Variants in MTREX observed in about 807,000 individuals in gnomAD.
The protein encoded by MTREX is Mtr4 exosome RNA helicase, also known as exosome RNA helicase MTR4.
In MTREX, 76 loss-of-function variants were observed where a neutral mutation model predicts 135.4. That is an observed-to-expected ratio of 0.56 (90% CI 0.47 to 0.68). The LOEUF is 0.68. MTREX is among the 30% of genes least tolerant of loss of function. The probability of loss-of-function intolerance (pLI) is 0.00; values close to 1 mark genes in which losing one functional copy is unlikely to be tolerated. For synonymous variants in MTREX, 404 were observed against 401.6 expected, an observed-to-expected ratio of 1.01 and a Z score of -0.07; for missense variants, 920 against 1,262.1, an observed-to-expected ratio of 0.73 and a Z score of 4.11.
At chr5:55,422,240 TACAA>T (rs1392383287) in intron 25 of MTREX, among the ~76,000 whole-genome samples, 6 of 152,124 alleles carry the variant, frequency 3.9e-5, no homozygotes, top group African/African-American at 1.4e-4. Context: ...TCAGCTTTGA[TACAA>T]ACACTTTTCT....
chr5:55,319,811 G>A (rs1337072062), intron 1 of MTREX, among the ~76,000 whole-genome samples: 1 of 152,152 alleles, frequency 6.6e-6, no homozygotes, highest in African/African-American at 2.4e-5. Context: ...TAGCACTTCT[G>A]ACCAGAAGTG....
rs539927598 is a variant in MTREX, at chr5:55,310,547, G to A, written c.134+2400G>A. On this transcript the variant is annotated intron_variant, in intron 1 of 26. Transcript: ENST00000230640. ...GGCTTGAACCTGGGAGGTGGAGGTT[G>A]CAGTGAGCCGAGACTGTGCCACTGC... is the stretch of plus-strand genomic sequence containing the variant. Among the ~76,000 whole-genome samples the A allele has an allele frequency of 4.6e-5, 7 of 152,208 alleles. No homozygotes were observed. In the South Asian group the frequency reaches 8.3e-4, roughly 18 times the overall value.
chr5:55,416,549 T>C lies in MTREX; in HGVS notation c.2971+417T>C, dbSNP rs187077759. On this transcript the variant is annotated intron_variant, in intron 25 of 26. Transcript: ENST00000230640. ...TGACTTGGCTTTAGTCAGACTGTTA[T>C]TGCAGCATGAATCAGATTAAATTTA... Among the ~76,000 whole-genome samples the C allele has an allele frequency of 1.3e-3, 205 of 152,264 alleles. 2 individuals are homozygous for C. The Middle Eastern group carries it at 0.024, about 18-fold the overall frequency.
intron 5 of MTREX, among the ~76,000 whole-genome samples, chr5:55,329,671 TGGTATG>T (rs1749438644): frequency 6.6e-6 from 1 of 152,196 alleles, no homozygotes; most frequent in Non-Finnish European, 1.5e-5. Flanking sequence ...TATTTTCCTT[TGGTATG>T]GAATTGTAAT....
chr5:55,353,265 G>A lies in MTREX; in HGVS notation c.1529G>A (p.Arg510Gln), dbSNP rs1749856086. 1.3e-6 allele frequency: 2 copies of A among 1,597,208 alleles called. No individual in the cohort carries two copies. The highest frequency in any genetic ancestry group is 1.7e-6 in the Non-Finnish European group (2 of 1,167,408). Residue 510 changes from arginine (R) to glutamine (Q), a missense_variant, in exon 14 of 27, where the codon CGA becomes CAA. Physicochemically the swap from Arg to Gln is conservative, Grantham distance 43. Transcript: ENST00000230640. ...NARKFDGKDF[R>Q]WISSGEYIQM... ...CGCAAATTTGATGGGAAGGATTTCCGATGGGTAAGTAAAGCAATTCATATA... is the reference window on the plus strand; with the variant it reads ...CGCAAATTTGATGGGAAGGATTTCCAATGGGTAAGTAAAGCAATTCATATA...
intron 5 of MTREX, among the ~76,000 whole-genome samples, chr5:55,337,215 G>A (rs181721160): frequency 1.6e-4 from 24 of 152,180 alleles, no homozygotes; most frequent in Non-Finnish European, 1.3e-4. Flanking sequence ...TGACTTCCCA[G>A]GCTCAACTGA....
chr5:55,326,640 G>C (rs1161497131), intron 3 of MTREX, among the ~76,000 whole-genome samples: 1 of 152,052 alleles, frequency 6.6e-6, no homozygotes, highest in Admixed American at 6.5e-5. Flanking sequence ...ACTAAGGATG[G>C]TTGTTCTGCC....
At position 55,366,861 on chromosome 5, in the gene MTREX, C is replaced by A; in HGVS notation, c.1796C>A (p.Pro599Gln). The change falls in exon 16 of 27, where the codon CCA becomes CAA. Residue 599 changes from proline to glutamine, a missense_variant. Pro to Gln is a moderately conservative substitution (Grantham distance 76, BLOSUM62 -1). Coordinates refer to ENST00000230640, the MANE Select transcript of MTREX (RefSeq NM_015360.5). Reference sequence around the variant, plus strand: ...CAGTTTCAGCATTATAGAGCAATTCCAGGAGTAGTAGAGAGTAAGTATAAA... The same window carrying A: ...CAGTTTCAGCATTATAGAGCAATTCAAGGAGTAGTAGAGAGTAAGTATAAA... ...FYQFQHYRAI[P>Q]GVVEKVKNSE... is the part of the protein sequence containing the mutation. 6.2e-7 allele frequency: 1 copy of A among 1,607,322 alleles called. No homozygotes were observed. The highest frequency in any genetic ancestry group is 8.5e-7 in the Non-Finnish European group (1 of 1,176,514).
At chr5:55,410,110 A>C (rs1468319288) in intron 22 of MTREX, among the ~76,000 whole-genome samples, 1 of 152,180 alleles carries the variant, frequency 6.6e-6, no homozygotes, top group African/African-American at 2.4e-5. Flanking sequence ...GGTTCTTCTT[A>C]TGAGTACATT....
intron 1 of MTREX, among the ~76,000 whole-genome samples, chr5:55,313,988 T>G (rs1410534369): frequency 6.7e-6 from 1 of 148,454 alleles, no homozygotes; most frequent in Non-Finnish European, 1.5e-5. Context: ...AGAGAGCTGT[T>G]TTTTTTTTTT....
At chr5:55,329,150 G>C (rs1310056725) in intron 5 of MTREX, among the ~76,000 whole-genome samples, 2 of 151,608 alleles carry the variant, frequency 1.3e-5, no homozygotes, top group East Asian at 3.9e-4. Context: ...TATGTCTATG[G>C]GTATAAAATA....
chr5:55,311,827 T>C (rs1749118163), intron 1 of MTREX, among the ~76,000 whole-genome samples: 1 of 152,228 alleles, frequency 6.6e-6, no homozygotes, highest in African/African-American at 2.4e-5. Context: ...ATGAAAGATA[T>C]TAAAATTTAT....
At chr5:55,332,653 C>T (rs1749495836) in intron 5 of MTREX, among the ~76,000 whole-genome samples, 1 of 152,194 alleles carries the variant, frequency 6.6e-6, no homozygotes, top group African/African-American at 2.4e-5. Flanking sequence ...CTAACTTGTC[C>T]TTTTAACTGG....
chr5:55,395,290 C>T (rs1390162045), intron 19 of MTREX, among the ~76,000 whole-genome samples: 2 of 151,974 alleles, frequency 1.3e-5, no homozygotes, highest in East Asian at 1.9e-4. Flanking sequence ...CCTATAATCC[C>T]AGCTACTCAG....
chr5:55,332,677 G>C (rs1749496632), intron 5 of MTREX, among the ~76,000 whole-genome samples: 1 of 152,158 alleles, frequency 6.6e-6, no homozygotes, highest in African/African-American at 2.4e-5. Context: ...CCACCCCCTT[G>C]ATAATTCCCT....
At chr5:55,330,090 T>G (rs539904212) in intron 5 of MTREX, among the ~76,000 whole-genome samples, 65 of 152,152 alleles carry the variant, frequency 4.3e-4, no homozygotes, top group African/African-American at 1.5e-3. Flanking sequence ...TTGGTTGGTT[T>G]GTTTTTGAGG....
intron 18 of MTREX, among the ~76,000 whole-genome samples, chr5:55,380,550 T>C (rs1351862783): frequency 1.3e-5 from 2 of 152,208 alleles, no homozygotes; most frequent in Non-Finnish European, 2.9e-5. Flanking sequence ...CTTTTTATTC[T>C]ATTTTGTATT....
rs528844512 is a variant in MTREX, at chr5:55,354,159, G to A, written c.1533+890G>A. ...ACTGGGATGCTGAAGTAGAAACAGA[G>A]CAAAAAGACAATCCAGACTCGTTTC... On this transcript the variant is annotated intron_variant, in intron 14 of 26. Coordinates refer to ENST00000230640, the MANE Select transcript of MTREX (RefSeq NM_015360.5). Among the ~76,000 whole-genome samples the A allele has an allele frequency of 2.0e-5, 3 of 152,166 alleles. No homozygotes were observed. The South Asian group carries it at 6.2e-4, about 32-fold the overall frequency.
At chr5:55,328,891 T>C (rs1298294836) in intron 5 of MTREX, 80 bp downstream of exon 5, 2 of 832,328 alleles carry the variant, frequency 2.4e-6, no homozygotes, top group Admixed American at 2.3e-5. Context: ...TGATTTCTGC[T>C]AGTGAAGATG....
Sources: allele counts gnomAD v4.1 joint callset (sites outside exome capture counted in the v4.1 genomes callset), GRCh38; gene constraint gnomAD v4.1.1; transcripts MANE v1.5; gene names NCBI Gene and HGNC (gene_info 2026-07-23, HGNC 2026-07-21).